PEBP4: variants seen among roughly 807,000 people sequenced by gnomAD.
PEBP4 encodes phosphatidylethanolamine binding protein 4, also known as phosphatidylethanolamine-binding protein 4.
PEBP4 carries 22 observed loss-of-function variants against 23.9 expected under a neutral mutation model. The ratio of observed to expected loss-of-function variants is 0.92; its 90% confidence interval spans 0.66 to 1.31. PEBP4 has a LOEUF of 1.31. Among genes scored for constraint, PEBP4 ranks in the 40% most tolerant of loss-of-function variants. The probability of loss-of-function intolerance (pLI) is 0.00; values close to 1 mark genes in which losing one functional copy is unlikely to be tolerated. For missense variants in PEBP4, 324 were observed against 281.7 expected (o/e 1.15, Z -1.07); for synonymous variants, 112 against 99.3 (o/e 1.13, Z -0.76).
chr8:22,790,054 C>T (rs1044926253), intron 4 of PEBP4, among the ~76,000 whole-genome samples: 4 of 152,226 alleles, frequency 2.6e-5, no homozygotes, highest in African/African-American at 9.6e-5. Flanking sequence ...TCCTGGGCCA[C>T]TGAATAGCCT....
intron 6 of PEBP4, among the ~76,000 whole-genome samples, chr8:22,715,741 C>T (rs192306577): frequency 2.0e-5 from 3 of 152,342 alleles, no homozygotes; most frequent in Admixed American, 2.0e-4. Context: ...AACCCAGTCC[C>T]CGTGCCGGCT....
At chr8:22,750,934 G>A (rs555949532) in intron 4 of PEBP4, among the ~76,000 whole-genome samples, 1 of 152,238 alleles carries the variant, frequency 6.6e-6, no homozygotes, top group Admixed American at 6.5e-5. Flanking sequence ...GGGAGAGAGA[G>A]AGAAAAAAAT....
chr8:22,863,306 A>T (rs1807819531), intron 3 of PEBP4, among the ~76,000 whole-genome samples: 1 of 152,140 alleles, frequency 6.6e-6, no homozygotes, highest in African/African-American at 2.4e-5. Context: ...AAGGGCCATT[A>T]TCCAAGCCCA....
chr8:22,792,199 T>G (rs1806154084), intron 4 of PEBP4, among the ~76,000 whole-genome samples: 2 of 152,112 alleles, frequency 1.3e-5, no homozygotes, highest in African/African-American at 4.8e-5. Flanking sequence ...TGTGAGGGAA[T>G]CTGTGTGGAC....
At chr8:22,796,750 A>G (rs763876096) in intron 4 of PEBP4, among the ~76,000 whole-genome samples, 1 of 152,186 alleles carries the variant, frequency 6.6e-6, no homozygotes, top group South Asian at 2.1e-4. Flanking sequence ...GTGGCTCCGC[A>G]TGGACATACA....
intron 1 of PEBP4, among the ~76,000 whole-genome samples, chr8:22,934,798 T>C (rs372939706): frequency 5.9e-5 from 9 of 152,248 alleles, no homozygotes; most frequent in African/African-American, 2.2e-4. Context: ...TTTAATTGGG[T>C]TCAATGCCTC....
intron 4 of PEBP4, among the ~76,000 whole-genome samples, chr8:22,807,721 C>G (rs533243113): frequency 1.3e-5 from 2 of 152,276 alleles, no homozygotes; most frequent in African/African-American, 4.8e-5. Context: ...AATTTCAACT[C>G]TTATCTACAT....
At chr8:22,831,839 G>C (rs1208993222) in intron 3 of PEBP4, among the ~76,000 whole-genome samples, 2 of 152,196 alleles carry the variant, frequency 1.3e-5, no homozygotes, top group East Asian at 3.8e-4. Context: ...CTTGTGTTGT[G>C]TGTCTGGAGG....
At chr8:22,751,610 CTGTGTGTG>C (rs1318478495) in intron 4 of PEBP4, among the ~76,000 whole-genome samples, 4 of 78,852 alleles carry the variant, frequency 5.1e-5, no homozygotes, top group Non-Finnish European at 1.3e-4. Context: ...GTGTGTGTGT[CTGTGTGTG>C]TGTGTGTGTC....
Position 22,889,889 on chromosome 8 carries a change from A to G in PEBP4, c.258+30295T>C, listed in dbSNP as rs143565509. Among the ~76,000 whole-genome samples, 4 of 152,286 alleles carry G rather than the reference A, an allele frequency of 2.6e-5. No homozygotes were observed. In the East Asian group the frequency reaches 7.7e-4, roughly 29 times the overall value. ...TGGCGATCTATCATTTTCTATTGGT[A>G]TTGCTTAGCTGCAGAATTTATAAAC... On this transcript the variant is annotated intron_variant, in intron 3 of 6. Transcript: ENST00000256404.
intron 3 of PEBP4, among the ~76,000 whole-genome samples, chr8:22,882,390 G>T (rs1171938210): frequency 2.0e-5 from 3 of 152,198 alleles, no homozygotes; most frequent in Admixed American, 6.5e-5. Context: ...CCAGCAGGGG[G>T]TCCCAGTTGA....
At chr8:22,767,678 G>C (rs961113009) in intron 4 of PEBP4, among the ~76,000 whole-genome samples, 5 of 152,134 alleles carry the variant, frequency 3.3e-5, no homozygotes, top group African/African-American at 1.2e-4. Flanking sequence ...TCTTGATCTC[G>C]GTGGTGGTTA....
At chr8:22,880,904 G>A (rs1240892150) in intron 3 of PEBP4, among the ~76,000 whole-genome samples, 1 of 152,192 alleles carries the variant, frequency 6.6e-6, no homozygotes, top group African/African-American at 2.4e-5. Flanking sequence ...GAAGCACGGG[G>A]CCAGGGCCAG....
intron 3 of PEBP4, among the ~76,000 whole-genome samples, chr8:22,826,302 C>T (rs6988695): frequency 0.99 from 151,315 of 152,366 alleles, 75,140 homozygotes; most frequent in Non-Finnish European, 1. Flanking sequence ...CACACTCTGC[C>T]GGCAAGGCTG....
intron 4 of PEBP4, among the ~76,000 whole-genome samples, chr8:22,768,447 G>A (rs574641477): frequency 5.9e-5 from 9 of 152,256 alleles, no homozygotes; most frequent in South Asian, 4.1e-4. Flanking sequence ...AGCCCCCCAC[G>A]ACAGCCTCAG....
chr8:22,799,773 A>T (rs973492829), intron 4 of PEBP4, among the ~76,000 whole-genome samples: 9 of 152,072 alleles, frequency 5.9e-5, no homozygotes, highest in Non-Finnish European at 1.3e-4. Context: ...CTCATTGTTC[A>T]ATTCCCACCT....
chr8:22,869,149 C>A (rs1348390831), intron 3 of PEBP4, among the ~76,000 whole-genome samples: 2 of 152,122 alleles, frequency 1.3e-5, no homozygotes, highest in African/African-American at 4.8e-5. Flanking sequence ...TTCTTGGTTC[C>A]ATCTTCATCC....
chr8:22,795,377 G>A (rs570412057), intron 4 of PEBP4, among the ~76,000 whole-genome samples: 3 of 151,404 alleles, frequency 2.0e-5, no homozygotes, highest in East Asian at 1.9e-4. Flanking sequence ...GGGTTTCACC[G>A]TGTTAGCCAG....
intron 3 of PEBP4, among the ~76,000 whole-genome samples, chr8:22,835,287 G>A (rs1807178516): frequency 6.6e-6 from 1 of 152,224 alleles, no homozygotes. Flanking sequence ...AGCAATGTCT[G>A]TGGGTCAGGT....
Sources: allele counts gnomAD v4.1 joint callset (sites outside exome capture counted in the v4.1 genomes callset), GRCh38; gene constraint gnomAD v4.1.1; transcripts MANE v1.5; gene names NCBI Gene and HGNC (gene_info 2026-07-23, HGNC 2026-07-21).